LARGE1: variants seen among roughly 807,000 people sequenced by gnomAD.
The protein encoded by LARGE1 is xylosyl- and glucuronyltransferase LARGE1.
In LARGE1, 43 loss-of-function variants were observed where a neutral mutation model predicts 87.6. The ratio of observed to expected loss-of-function variants is 0.49; its 90% confidence interval spans 0.38 to 0.63. The LOEUF (loss-of-function observed/expected upper bound fraction) is 0.63. Among genes scored for constraint, LARGE1 ranks in the 30% least tolerant of loss-of-function variants. The pLI is 0.00. For missense variants in LARGE1, 802 were observed against 1,000.2 expected (o/e 0.80, Z 2.67); for synonymous variants, 434 against 394.6 (o/e 1.10, Z -1.18).
chr22:33,231,866 T>C (rs1926021732), intron 11 of LARGE1, among the ~76,000 whole-genome samples: 1 of 152,238 alleles, frequency 6.6e-6, no homozygotes. Flanking sequence ...CTACTATTAC[T>C]ACAACCATCA....
At chr22:33,485,072 CG>C (rs1337085356) in intron 6 of LARGE1, among the ~76,000 whole-genome samples, 2 of 151,598 alleles carry the variant, frequency 1.3e-5, no homozygotes, top group African/African-American at 2.4e-5. Flanking sequence ...CCACCACGCC[CG>C]GCTAATTTTT....
chr22:33,607,461 CA>C (rs1217376084), intron 4 of LARGE1, among the ~76,000 whole-genome samples: 2,517 of 57,880 alleles, frequency 0.043, 38 homozygotes, highest in East Asian at 0.19. Flanking sequence ...AACTGCATCT[CA>C]AAAAAAAAAA....
intron 7 of LARGE1, among the ~76,000 whole-genome samples, chr22:33,413,064 AC>A (rs2066365171): frequency 6.6e-6 from 1 of 152,218 alleles, no homozygotes; most frequent in Non-Finnish European, 1.5e-5. Context: ...CTAGCACATC[AC>A]TGCATTTCTA....
chr22:33,687,992 C>T (rs183378153), intron 2 of LARGE1, among the ~76,000 whole-genome samples: 1 of 152,282 alleles, frequency 6.6e-6, no homozygotes. Flanking sequence ...TATTCCTGCC[C>T]TCATCTTCAT....
intron 1 of LARGE1, among the ~76,000 whole-genome samples, chr22:33,900,243 C>T (rs188520535): frequency 1.4e-4 from 22 of 152,334 alleles, no homozygotes; most frequent in Admixed American, 2.6e-4. Context: ...GCAGTCCTGA[C>T]GTCTAAGAAG....
the LARGE1 span, among the ~76,000 whole-genome samples, chr22:33,156,995 C>T: frequency 2.4e-4 from 36 of 152,276 alleles, no homozygotes; most frequent in East Asian, 2.1e-3. Flanking sequence ...ATGTGAGACA[C>T]GCCTTTCACC....
In LARGE1 at chr22:33,834,309, A is replaced by T. The variant is rs149230408; in HGVS notation, c.-82-72751T>A. On this transcript the variant is annotated intron_variant, in intron 1 of 14. Transcript: ENST00000397394. Reference sequence around the variant, plus strand: ...CCTGTCAGGCCTCTGAGCCCAAGCTAAGCCATCATATCCCCTGTGACCTGC... The same window carrying T: ...CCTGTCAGGCCTCTGAGCCCAAGCTTAGCCATCATATCCCCTGTGACCTGC... 5.1e-3 allele frequency among the ~76,000 whole-genome samples: 777 copies of T among 152,336 alleles called. 10 individuals carry two copies. The highest frequency in any genetic ancestry group is 0.018 in the African/African-American group (729 of 41,566).
chr22:33,422,146 G>A (rs1007962580), intron 7 of LARGE1, among the ~76,000 whole-genome samples: 1 of 152,170 alleles, frequency 6.6e-6, no homozygotes, highest in African/African-American at 2.4e-5. Flanking sequence ...TCCAACCTTC[G>A]ACTTTCAAAG....
At chr22:33,827,088 C>G (rs2062814922) in intron 1 of LARGE1, among the ~76,000 whole-genome samples, 1 of 152,020 alleles carries the variant, frequency 6.6e-6, no homozygotes, top group South Asian at 2.1e-4. Context: ...CTGGACCGGG[C>G]ACGGTGGCTC....
intron 7 of LARGE1, 105 bp from the exon 8 acceptor site, chr22:33,384,409 T>A: frequency 1.2e-6 from 1 of 847,230 alleles, no homozygotes. Flanking sequence ...GATGATTGTC[T>A]TATGCAGACA....
At chr22:33,303,815 G>GGC (rs1555892185) in intron 12 of LARGE1, among the ~76,000 whole-genome samples, 1 of 150,892 alleles carries the variant, frequency 6.6e-6, no homozygotes, top group African/African-American at 2.5e-5. Flanking sequence ...AGTAGGGGGG[G>GGC]GGTTTCACCA....
At chr22:33,251,639 T>C (rs5749586) in intron 11 of LARGE1, among the ~76,000 whole-genome samples, 2,476 of 152,346 alleles carry the variant, frequency 0.016, 23 homozygotes, top group East Asian at 0.027. Context: ...TTTATATCTC[T>C]CACACTTAGG....
At position 33,783,634 on chromosome 22, in the gene LARGE1, G is replaced by A. The variant is rs117049039; in HGVS notation, c.-82-22076C>T. On this transcript the variant is annotated intron_variant, in intron 1 of 14. Transcript: ENST00000397394. Reference sequence around the variant, plus strand: ...AGGTGTCTACTAAAAGTACTCTCCAGACAGAAGAGCAGTGTTTTGTTGTTA... The same window carrying A: ...AGGTGTCTACTAAAAGTACTCTCCAAACAGAAGAGCAGTGTTTTGTTGTTA... Among the ~76,000 whole-genome samples the A allele has an allele frequency of 6.0e-3, 913 of 152,302 alleles. 8 individuals carry two copies. Among genetic ancestry groups the A allele is most frequent in the Non-Finnish European group, 7.2e-3 (487 of 68,012 alleles).
chr22:33,274,687 C>A, intron 14 of LARGE1, 63 bp from the exon 15 acceptor site: 2 of 1,424,308 alleles, frequency 1.4e-6, no homozygotes, highest in Admixed American at 1.7e-5. Flanking sequence ...TGATGAAGGC[C>A]CAAGCGAATG....
intron 6 of LARGE1, among the ~76,000 whole-genome samples, chr22:33,518,533 T>A (rs532214269): frequency 5.3e-5 from 8 of 152,332 alleles, no homozygotes; most frequent in African/African-American, 1.9e-4. Flanking sequence ...GATCTCGAAC[T>A]CCTGACCTCA....
intron 6 of LARGE1, among the ~76,000 whole-genome samples, chr22:33,468,673 C>A (rs185308426): frequency 3.3e-5 from 5 of 152,098 alleles, no homozygotes; most frequent in Non-Finnish European, 4.4e-5. Flanking sequence ...ATATATTAAT[C>A]CCCGTTTGTA....
chr22:33,387,985 G>C (rs1289287689), intron 7 of LARGE1, among the ~76,000 whole-genome samples: 1 of 152,182 alleles, frequency 6.6e-6, no homozygotes, highest in Non-Finnish European at 1.5e-5. Context: ...CCAGGGGTCT[G>C]TGTTTTATTC....
At chr22:33,904,960 A>G (rs1304459347) in intron 1 of LARGE1, among the ~76,000 whole-genome samples, 1 of 151,926 alleles carries the variant, frequency 6.6e-6, no homozygotes. Context: ...ATTCAGGTGT[A>G]TAAGGGTCTA....
At chr22:33,595,134 G>A (rs1157922763) in intron 5 of LARGE1, among the ~76,000 whole-genome samples, 2 of 152,196 alleles carry the variant, frequency 1.3e-5, no homozygotes, top group African/African-American at 4.8e-5. Context: ...ATGAAAGTAG[G>A]TATATGAAAG....
Sources: gnomAD v4.1 joint callset for allele counts (sites outside exome capture counted in the v4.1 genomes callset) on GRCh38, gnomAD v4.1.1 for gene constraint, MANE v1.5 for transcripts, NCBI Gene and HGNC (gene_info 2026-07-23, HGNC 2026-07-21) for gene names.